The following MYBL1 variants were observed in gnomAD, a reference collection of about 807,000 sequenced individuals.
MYBL1 encodes the protein myb-related protein A.
A neutral mutation model predicts 96.3 loss-of-function variants in MYBL1; 17 were observed. The ratio of observed to expected loss-of-function variants is 0.18; its 90% CI spans 0.12 to 0.26. MYBL1 has a LOEUF of 0.26. MYBL1 is among the 10% of genes least tolerant of loss of function. The probability of loss-of-function intolerance (pLI) is 1.00; values close to 1 mark genes in which losing one functional copy is unlikely to be tolerated. For synonymous variants in MYBL1, 282 were observed against 292.7 expected (o/e 0.96, Z 0.37); for missense variants, 701 against 882.9 (o/e 0.79, Z 2.61).
At chr8:66,603,965 GAA>G (rs111391272) in intron 1 of MYBL1, among the ~76,000 whole-genome samples, 3,728 of 145,466 alleles carry the variant, frequency 0.026, 162 homozygotes, top group African/African-American at 0.086. Flanking sequence ...CAATTCATAT[GAA>G]AAAAAAAAAT....
At chr8:66,581,623 C>T (rs141843955) in intron 8 of MYBL1, among the ~76,000 whole-genome samples, 1 of 152,298 alleles carries the variant, frequency 6.6e-6, no homozygotes, top group African/African-American at 2.4e-5. Flanking sequence ...CTGCAGCAAA[C>T]TGTGATCACA....
At chr8:66,580,685 C>T (rs1039975833) in intron 8 of MYBL1, among the ~76,000 whole-genome samples, 2 of 152,158 alleles carry the variant, frequency 1.3e-5, no homozygotes, top group African/African-American at 4.8e-5. Flanking sequence ...TATATTTAAA[C>T]CTTATCATGT....
intron 10 of MYBL1, 132 bp from the exon 11 acceptor site, chr8:66,573,638 A>G (rs1400133823): frequency 2.6e-6 from 2 of 761,408 alleles, no homozygotes; most frequent in East Asian, 3.3e-5. Flanking sequence ...TTACACTTAT[A>G]CTCCATGGAA....
intron 3 of MYBL1, among the ~76,000 whole-genome samples, chr8:66,599,958 G>T (rs894297139): frequency 3.9e-5 from 6 of 152,114 alleles, no homozygotes; most frequent in Non-Finnish European, 8.8e-5. Flanking sequence ...AAGTTATTAA[G>T]AAAACATTAC....
chr8:66,600,443 C>T (rs1308921444), intron 3 of MYBL1, among the ~76,000 whole-genome samples: 1 of 152,166 alleles, frequency 6.6e-6, no homozygotes, highest in Non-Finnish European at 1.5e-5. Context: ...AATCAGGTTG[C>T]TCCTGTATGT....
chr8:66,604,153 T>C (rs1191324949), intron 1 of MYBL1, among the ~76,000 whole-genome samples: 2 of 152,074 alleles, frequency 1.3e-5, no homozygotes, highest in Non-Finnish European at 1.5e-5. Context: ...ATTTGGTAAA[T>C]TATAACAGTA....
intron 8 of MYBL1, among the ~76,000 whole-genome samples, chr8:66,582,718 CAAA>C (rs1347460099): frequency 1.8e-5 from 1 of 55,430 alleles, no homozygotes; most frequent in Non-Finnish European, 4.0e-5. Context: ...AACCCTGCCT[CAAA>C]AAAAAAAAAA....
chr8:66,564,554 C>T lies in MYBL1; in HGVS notation c.*143G>A, dbSNP rs1390357855. 3.9e-6 allele frequency: 2 copies of T among 508,626 alleles called. No homozygotes were observed. The highest frequency in any genetic ancestry group is 6.2e-6 in the Non-Finnish European group (2 of 320,796). 31.5% of individuals were successfully genotyped at this position (508,626 alleles called of 1,614,324 possible). ...AAGTGACTTACTAGCTTTCTGCCTA[C>T]TATATAGAATAGAAAAAAGATGCTG... On this transcript the variant is annotated 3_prime_UTR_variant, in exon 16 of 16. Transcript: ENST00000522677.
chr8:66,573,461 G>T lies in MYBL1; in HGVS notation c.1516C>A (p.Pro506Thr), dbSNP rs766680232. ...CAAATAGGGGTTGATGTAAATGAAG[G>T]ATTTTCTATATTAAGTTGTTCATTA... The part of the protein sequence containing the change: ...PGNEQLNIEN[P>T]SFTSTPICGQ... Residue 506 changes from proline to threonine, a missense_variant, in exon 11 of 16, where the codon CCT (proline) becomes ACT (threonine). This residue lies in a region of MYBL1 where 396 missense variants were observed against 407.4 expected (regional missense o/e 0.97). Coordinates refer to ENST00000522677, the MANE Select transcript of MYBL1 (RefSeq NM_001080416.4). 1.9e-6 allele frequency: 3 copies of T among 1,611,358 alleles called. No homozygotes were observed. In the South Asian group the frequency reaches 3.3e-5, roughly 18 times the overall value.
At chr8:66,603,140 C>G (rs138943550) in intron 1 of MYBL1, among the ~76,000 whole-genome samples, 1 of 152,100 alleles carries the variant, frequency 6.6e-6, no homozygotes, top group African/African-American at 2.4e-5. Context: ...GGAATTTGAC[C>G]TTTATTCTTT....
At chr8:66,596,362 G>T (rs369000546) in intron 5 of MYBL1, among the ~76,000 whole-genome samples, 1 of 152,000 alleles carries the variant, frequency 6.6e-6, no homozygotes, top group Non-Finnish European at 1.5e-5. Flanking sequence ...CTTATCTAAG[G>T]TTCCCTTTAT....
At chr8:66,599,729 G>A (rs1219590111) in intron 3 of MYBL1, among the ~76,000 whole-genome samples, 1 of 152,080 alleles carries the variant, frequency 6.6e-6, no homozygotes, top group South Asian at 2.1e-4. Flanking sequence ...GAACCCAGGA[G>A]GTGGAGGTTG....
chr8:66,574,273 A>G (rs1340034117), intron 10 of MYBL1, among the ~76,000 whole-genome samples: 1 of 152,192 alleles, frequency 6.6e-6, no homozygotes, highest in Non-Finnish European at 1.5e-5. Context: ...ATAAAATCCA[A>G]GCAGTTTGCC....
intron 9 of MYBL1, 130 bp from the exon 10 acceptor site, chr8:66,576,505 ATTT>A: frequency 9.4e-7 from 1 of 1,066,038 alleles, no homozygotes; most frequent in East Asian, 2.4e-5. Flanking sequence ...TTCCTTGGAC[ATTT>A]TTTTTAAGCA....
At chr8:66,597,847 TAAAAAAAAAAAA>T (rs1189665191) in intron 4 of MYBL1, among the ~76,000 whole-genome samples, 4 of 36,194 alleles carry the variant, frequency 1.1e-4, no homozygotes, top group Middle Eastern at 0.018. Context: ...CTCCTACATC[TAAAAAAAAAAAA>T]AAAAAAAAAA....
intron 1 of MYBL1, 111 bp downstream of exon 1, chr8:66,612,708 A>C: frequency 8.1e-7 from 1 of 1,230,022 alleles, no homozygotes; most frequent in East Asian, 2.8e-5. Context: ...GGGAAGAAAA[A>C]CCTCTGCCCT....
intron 6 of MYBL1, 24 bp from the exon 7 acceptor site, chr8:66,593,218 T>A (rs189996701): frequency 1.5e-6 from 2 of 1,348,212 alleles, no homozygotes; most frequent in East Asian, 4.8e-5. Context: ...AATGCATTAT[T>A]ATCATACATA....
At chr8:66,605,691 C>T (rs985374404) in intron 1 of MYBL1, among the ~76,000 whole-genome samples, 1 of 152,042 alleles carries the variant, frequency 6.6e-6, no homozygotes, top group Non-Finnish European at 1.5e-5. Context: ...TGGTGGGTGC[C>T]TGTAATGCCA....
At chr8:66,605,632 C>T (rs570565931) in intron 1 of MYBL1, among the ~76,000 whole-genome samples, 1 of 152,012 alleles carries the variant, frequency 6.6e-6, no homozygotes, top group East Asian at 1.9e-4. Flanking sequence ...ACCAGCCTGG[C>T]CAACATGGTG....
Sources: allele counts gnomAD v4.1 joint callset (sites outside exome capture counted in the v4.1 genomes callset), GRCh38; gene constraint gnomAD v4.1.1; regional missense constraint gnomAD v4.1.1; transcripts MANE v1.5; gene names NCBI Gene and HGNC (gene_info 2026-07-23, HGNC 2026-07-21).